The following MLYCD variants were observed in gnomAD, a reference collection of about 807,000 sequenced individuals.
The protein encoded by MLYCD is malonyl-CoA decarboxylase, also known as malonyl-CoA decarboxylase, mitochondrial.
MLYCD carries 27 observed loss-of-function variants against 35.8 expected under a neutral mutation model. The observed-to-expected ratio is 0.75, with a 90% CI of 0.56 to 1.04. MLYCD has a LOEUF of 1.04. Ranked by LOEUF, MLYCD falls within the 50% of genes least tolerant of loss-of-function variation. The pLI, the probability that MLYCD is intolerant of heterozygous loss-of-function variation, is 0.00. For missense variants in MLYCD, 917 were observed against 665.1 expected (o/e 1.38, Z -4.17); for synonymous variants, 403 against 302.4 (o/e 1.33, Z -3.45).
At chr16:83,911,483 A>G (rs918173276) in intron 3 of MLYCD, among the ~76,000 whole-genome samples, 19 of 152,196 alleles carry the variant, frequency 1.2e-4, no homozygotes, top group African/African-American at 4.6e-4. Context: ...ACTGTTATCC[A>G]GTGAGCTTTG....
intron 1 of MLYCD, among the ~76,000 whole-genome samples, chr16:83,901,622 T>C (rs1416481940): frequency 6.6e-6 from 1 of 152,246 alleles, no homozygotes; most frequent in East Asian, 1.9e-4. Flanking sequence ...TTCTGTGAGA[T>C]GCTGTGGAAT....
In MLYCD at chr16:83,925,007, G is replaced by C. The variant is rs1907762806; in HGVS notation, c.*9518G>C. Reference sequence around the variant, plus strand: ...TCTCACCCCCATCCGTGTCTCTGCTGTCTCCTAACTACCGATAGCAAGGGC... The same window carrying C: ...TCTCACCCCCATCCGTGTCTCTGCTCTCTCCTAACTACCGATAGCAAGGGC... On this transcript the variant is annotated 3_prime_UTR_variant, in exon 5 of 5. Coordinates refer to ENST00000262430, the MANE Select transcript of MLYCD (RefSeq NM_012213.3). The C allele has an allele frequency of 6.6e-6, 1 of 152,308 alleles. No individual in the cohort carries two copies. The highest frequency in any genetic ancestry group is 2.4e-5 in the African/African-American group (1 of 41,464). 9.4% of individuals were successfully genotyped at this position (152,308 alleles called of 1,614,324 possible).
chr16:83,926,345 G>C lies in MLYCD; in HGVS notation c.*10856G>C, dbSNP rs1567642082. ...GACCCCACCCTGCACTGGGAAGGAG[G>C]GTCCCTGTCCCCGTTTGACGGGTGA... is the stretch of plus-strand genomic sequence containing the variant. On this transcript the variant is annotated 3_prime_UTR_variant, in exon 5 of 5. Coordinates refer to ENST00000262430, the MANE Select transcript of MLYCD (RefSeq NM_012213.3). 4 of 152,566 alleles carry C rather than the reference G, an allele frequency of 2.6e-5. No individual in the cohort carries two copies. The highest frequency in any genetic ancestry group is 5.9e-5 in the Non-Finnish European group (4 of 68,194). 9.5% of individuals were successfully genotyped at this position (152,566 alleles called of 1,614,324 possible). A position where few individuals can be genotyped will look rare whatever the true frequency, so the allele number is the denominator to read the frequency against.
In MLYCD at chr16:83,907,080, G is replaced by A. The variant is rs1419499874; in HGVS notation, c.622G>A (p.Val208Met). Residue 208 changes from valine to methionine, a missense_variant, in exon 2 of 5, where the codon GTG (valine) becomes ATG (methionine). Transcript: ENST00000262430. ...ERVTWHSPCE[V>M]LQKISEAEAV... ...GGTTACCTGGCATTCACCGTGTGAA[G>A]TGCTTCAGAAAATCAGTGAGTAAGT... is the stretch of plus-strand genomic sequence containing the variant. The A allele has an allele frequency of 1.2e-6, 2 of 1,613,966 alleles. No homozygotes were observed. The highest frequency in any genetic ancestry group is 8.5e-7 in the Non-Finnish European group (1 of 1,179,808).
At chr16:83,908,327 G>A in intron 3 of MLYCD, 45 bp downstream of exon 3, 1 of 1,601,734 alleles carries the variant, frequency 6.2e-7, no homozygotes, top group South Asian at 1.1e-5. Flanking sequence ...ACCCCATAGA[G>A]CCCCTTGTGT....
intron 3 of MLYCD, 93 bp downstream of exon 3, chr16:83,908,375 C>CT (rs558316423): frequency 0.043 from 49,773 of 1,146,012 alleles, 3 homozygotes; most frequent in Middle Eastern, 0.047. Flanking sequence ...TTTTATCCTC[C>CT]TTTTTTTTTT....
At chr16:83,911,628 T>C (rs1299999366) in intron 3 of MLYCD, 2 of 157,934 alleles carry the variant, frequency 1.3e-5, no homozygotes, top group South Asian at 1.8e-4. Flanking sequence ...CAGGGATGTC[T>C]GCAAATGTGT....
intron 3 of MLYCD, among the ~76,000 whole-genome samples, chr16:83,908,933 G>C (rs920213342): frequency 3.3e-5 from 5 of 152,346 alleles, no homozygotes; most frequent in Admixed American, 2.0e-4. Flanking sequence ...TTGCAGGTTT[G>C]CTCAGACCAA....
Position 83,912,318 on chromosome 16 carries a change from G to A in MLYCD, c.899G>A (p.Gly300Glu). Residue 300 changes from glycine to glutamate, a missense_variant, in exon 4 of 5, where the codon GGG becomes GAG. Coordinates refer to ENST00000262430, the MANE Select transcript of MLYCD (RefSeq NM_012213.3). Reference protein sequence around the residue: ...SISLTQQGLQGVELGTFLIKR... With the variant: ...SISLTQQGLQEVELGTFLIKR... ...AGCTTGACCCAGCAGGGACTCCAAGGGGTGGAGCTGGGAACATTCCTCATA... is the reference window on the plus strand; with the variant it reads ...AGCTTGACCCAGCAGGGACTCCAAGAGGTGGAGCTGGGAACATTCCTCATA... 6.2e-7 allele frequency: 1 copy of A among 1,614,156 alleles called. No homozygotes were observed. The highest frequency in any genetic ancestry group is 1.3e-5 in the African/African-American group (1 of 75,042).
In MLYCD at chr16:83,922,786, G is replaced by C. The variant is rs567152011; in HGVS notation, c.*7297G>C. 1 of 152,214 alleles carries C rather than the reference G, an allele frequency of 6.6e-6. No homozygotes were observed. Among genetic ancestry groups the C allele is most frequent in the Non-Finnish European group, 1.5e-5 (1 of 68,050 alleles). 9.4% of individuals were successfully genotyped at this position (152,214 alleles called of 1,614,324 possible). On this transcript the variant is annotated 3_prime_UTR_variant, in exon 5 of 5. Coordinates refer to ENST00000262430, the MANE Select transcript of MLYCD (RefSeq NM_012213.3). Reference sequence around the variant, plus strand: ...CCTGCTCACCTGAATGCGGGTTCTGGGATCTTTCAGTCCTTATTTGGATAT... The same window carrying C: ...CCTGCTCACCTGAATGCGGGTTCTGCGATCTTTCAGTCCTTATTTGGATAT...
rs1907578285 is a variant in MLYCD, at chr16:83,919,621, GGGCACAGGAGAACACACGA to G, written c.*4133_*4151del. The G allele has an allele frequency of 6.7e-6, 1 of 149,886 alleles. No homozygotes were observed. Among genetic ancestry groups the G allele is most frequent in the East Asian group, 2.0e-4 (1 of 4,960 alleles). The allele number at this position is 149,886 out of a possible 1,614,324, so 9.3% of individuals were successfully genotyped here. A position where few individuals can be genotyped will look rare whatever the true frequency, so the allele number is the denominator to read the frequency against. On this transcript the variant is annotated 3_prime_UTR_variant, in exon 5 of 5. Transcript: ENST00000262430. Reference sequence around the variant, plus strand: ...GAACACACAGTGCACAGAACACACGGGGCACAGGAGAACACACGATGCACGGAACACGGTGATCAGAACA... The same window carrying G: ...GAACACACAGTGCACAGAACACACGGTGCACGGAACACGGTGATCAGAACA...
rs900951907 is a variant in MLYCD, at chr16:83,925,238, G to A, written c.*9749G>A. ...AGGCTCAGCACGGCCAAGGCTGAAT[G>A]CAGATGCCCTCCCTCCAAAACCTGG... On this transcript the variant is annotated 3_prime_UTR_variant, in exon 5 of 5. Coordinates refer to ENST00000262430, the MANE Select transcript of MLYCD (RefSeq NM_012213.3). The A allele has an allele frequency of 5.2e-5, 8 of 152,876 alleles. No individual in the cohort carries two copies. The highest frequency in any genetic ancestry group is 1.5e-5 in the Non-Finnish European group (1 of 68,560). 9.5% of individuals were successfully genotyped at this position (152,876 alleles called of 1,614,324 possible). A position where few individuals can be genotyped will look rare whatever the true frequency, so the allele number is the denominator to read the frequency against.
At position 83,922,603 on chromosome 16, in the gene MLYCD, C is replaced by T. The variant is rs978260695; in HGVS notation, c.*7114C>T. 6.6e-6 allele frequency: 1 copy of T among 152,372 alleles called. No homozygotes were observed. The highest frequency in any genetic ancestry group is 1.5e-5 in the Non-Finnish European group (1 of 68,150). The allele number at this position is 152,372 out of a possible 1,614,324, so 9.4% of individuals were successfully genotyped here. On this transcript the variant is annotated 3_prime_UTR_variant, in exon 5 of 5. Transcript: ENST00000262430. Reference sequence around the variant, plus strand: ...TACCCTTGCTTTGCCTCAGTTTCCTCATCTTTAAGTGGCAGTAACCATAGT... The same window carrying T: ...TACCCTTGCTTTGCCTCAGTTTCCTTATCTTTAAGTGGCAGTAACCATAGT...
rs1276238949 is a variant in MLYCD at position 83,922,127 on chromosome 16, C to G, written c.*6638C>G. ...AGTGCTTTCCACTGTGTCCCAGGTT[C>G]AAGGCTGAAGTCACAACCCCACCCC... On this transcript the variant is annotated 3_prime_UTR_variant, in exon 5 of 5. Coordinates refer to ENST00000262430, the MANE Select transcript of MLYCD (RefSeq NM_012213.3). 6.6e-6 allele frequency: 1 copy of G among 152,296 alleles called. No individual in the cohort carries two copies. The highest frequency in any genetic ancestry group is 1.5e-5 in the Non-Finnish European group (1 of 68,142). The allele number at this position is 152,296 out of a possible 1,614,324, so 9.4% of individuals were successfully genotyped here. A position where few individuals can be genotyped will look rare whatever the true frequency, so the allele number is the denominator to read the frequency against.
chr16:83,900,606 T>G (rs963931592), intron 1 of MLYCD, among the ~76,000 whole-genome samples: 1 of 142,818 alleles, frequency 7.0e-6, no homozygotes, highest in East Asian at 2.1e-4. Context: ...TTTTTTTTTT[T>G]GTAGAGAGGG....
At chr16:83,911,555 G>A (rs1907180673) in intron 3 of MLYCD, 1 of 153,510 alleles carries the variant, frequency 6.5e-6, no homozygotes. Flanking sequence ...GAGAATGAGA[G>A]GCAATAAACT....
At chr16:83,908,685 G>C (rs1455084384) in intron 3 of MLYCD, among the ~76,000 whole-genome samples, 9 of 152,276 alleles carry the variant, frequency 5.9e-5, no homozygotes, top group Non-Finnish European at 1.2e-4. Flanking sequence ...ATTGAAAGAG[G>C]CACTCCATCC....
At chr16:83,905,617 G>T (rs1401310367) in intron 1 of MLYCD, among the ~76,000 whole-genome samples, 1 of 152,192 alleles carries the variant, frequency 6.6e-6, no homozygotes, top group East Asian at 1.9e-4. Flanking sequence ...CCGCCTTCCA[G>T]TCTGCAGTGG....
chr16:83,903,472 A>G (rs1597288580), intron 1 of MLYCD, among the ~76,000 whole-genome samples: 1 of 152,170 alleles, frequency 6.6e-6, no homozygotes, highest in East Asian at 1.9e-4. Flanking sequence ...ACCCTCATCC[A>G]TGACTTTATC....
Sources: allele counts gnomAD v4.1 joint callset (sites outside exome capture counted in the v4.1 genomes callset), GRCh38; gene constraint gnomAD v4.1.1; transcripts MANE v1.5; gene names NCBI Gene and HGNC (gene_info 2026-07-23, HGNC 2026-07-21).